GRXCR1: variants seen among roughly 807,000 people sequenced by gnomAD.
GRXCR1 encodes glutaredoxin and cysteine rich domain containing 1.
In GRXCR1, 27 loss-of-function variants were observed where a neutral mutation model predicts 27.3. That is an observed-to-expected ratio of 0.99 (90% CI 0.73 to 1.37). The LOEUF is 1.37. Ranked by LOEUF, GRXCR1 falls within the 40% of genes most tolerant of loss-of-function variation. The pLI is 0.00. For missense variants in GRXCR1, 379 were observed against 354.4 expected (o/e 1.07, Z -0.56); for synonymous variants, 122 against 131.1 (o/e 0.93, Z 0.47).
At chr4:42,991,675 A>T (rs1269926010) in intron 2 of GRXCR1, among the ~76,000 whole-genome samples, 1 of 152,014 alleles carries the variant, frequency 6.6e-6, no homozygotes, top group Admixed American at 6.5e-5. Context: ...GTGTTAGAAG[A>T]CTTTCTCTGT....
chr4:42,929,293 A>G (rs1337912914), intron 1 of GRXCR1, among the ~76,000 whole-genome samples: 1 of 152,044 alleles, frequency 6.6e-6, no homozygotes, highest in Non-Finnish European at 1.5e-5. Flanking sequence ...CCCAGCAGGC[A>G]AATGTCCCCA....
intron 1 of GRXCR1, among the ~76,000 whole-genome samples, chr4:42,957,983 C>T (rs1041290764): frequency 2.0e-5 from 3 of 151,914 alleles, no homozygotes; most frequent in African/African-American, 7.2e-5. Flanking sequence ...TTATAGATGT[C>T]TGTCAATATG....
At chr4:42,945,690 T>C (rs17595126) in intron 1 of GRXCR1, among the ~76,000 whole-genome samples, 15 of 152,032 alleles carry the variant, frequency 9.9e-5, no homozygotes, top group Non-Finnish European at 1.9e-4. Flanking sequence ...GGAGGGTAGA[T>C]GATGTGAAGG....
Position 42,980,491 on chromosome 4 carries a change from A to G in GRXCR1, c.627+17357A>G, listed in dbSNP as rs575025624. Reference sequence around the variant, plus strand: ...TTGGTTTCTAATTTTATATCATTGTAGTCAAGAAAGATACTTGATATGATT... The same window carrying G: ...TTGGTTTCTAATTTTATATCATTGTGGTCAAGAAAGATACTTGATATGATT... On this transcript the variant is annotated intron_variant, in intron 2 of 3. Coordinates refer to ENST00000399770, the MANE Select transcript of GRXCR1 (RefSeq NM_001080476.3). 1.5e-3 allele frequency among the ~76,000 whole-genome samples: 226 copies of G among 152,088 alleles called. 1 individual carries two copies. Among genetic ancestry groups the G allele is most frequent in the African/African-American group, 5.2e-3 (217 of 41,540 alleles).
chr4:42,987,255 A>ATAT (rs1711792378), intron 2 of GRXCR1, among the ~76,000 whole-genome samples: 1 of 67,988 alleles, frequency 1.5e-5, no homozygotes, highest in South Asian at 4.4e-4. Context: ...TATAATATAT[A>ATAT]TATATAATAT....
intron 2 of GRXCR1, among the ~76,000 whole-genome samples, chr4:42,983,713 T>A (rs1190888069): frequency 1.3e-5 from 2 of 152,176 alleles, no homozygotes; most frequent in African/African-American, 4.8e-5. Context: ...CTCAAATATT[T>A]CCTATTTTAA....
intron 2 of GRXCR1, among the ~76,000 whole-genome samples, chr4:42,993,141 G>A (rs1390516328): frequency 6.6e-6 from 1 of 151,848 alleles, no homozygotes; most frequent in Non-Finnish European, 1.5e-5. Flanking sequence ...TTCCATCCAA[G>A]TAAACTGTAT....
intron 1 of GRXCR1, among the ~76,000 whole-genome samples, chr4:42,959,530 G>A (rs1748082690): frequency 1.3e-5 from 2 of 151,894 alleles, no homozygotes; most frequent in African/African-American, 2.4e-5. Context: ...TTTGCTAAAA[G>A]AATAGGTTTT....
At position 43,027,613 on chromosome 4, in the gene GRXCR1, T is replaced by C. The variant is rs576942261; in HGVS notation, c.694-2748T>C. The stretch of plus-strand genomic sequence containing the variant: ...TAGACAAGGAGCTCAGAAAGCTGCA[T>C]AGCACTAACATTTCATTCCAGCTTT... On this transcript the variant is annotated intron_variant, in intron 3 of 3. Transcript: ENST00000399770. Among the ~76,000 whole-genome samples the C allele has an allele frequency of 2.0e-4, 30 of 152,338 alleles. 3 individuals are homozygous for C. The highest frequency in any genetic ancestry group is 1.7e-3 in the South Asian group (8 of 4,828).
In GRXCR1 at chr4:42,981,271, C is replaced by G. The variant is rs149494547; in HGVS notation, c.627+18137C>G. ...TATAAAAAACATCTTATTTTTATAA[C>G]AAGTTATTTTAAACTGAAAACAATT... On this transcript the variant is annotated intron_variant, in intron 2 of 3. Transcript: ENST00000399770. Among the ~76,000 whole-genome samples, 279 of 151,498 alleles carry G rather than the reference C, an allele frequency of 1.8e-3. 1 individual carries two copies. The highest frequency in any genetic ancestry group is 6.6e-3 in the African/African-American group (274 of 41,298).
chr4:42,896,259 G>T (rs1746344533), intron 1 of GRXCR1, among the ~76,000 whole-genome samples: 1 of 152,028 alleles, frequency 6.6e-6, no homozygotes, highest in Admixed American at 6.6e-5. Context: ...TGCAATTTTT[G>T]CCTTAAAATA....
chr4:42,940,558 A>G (rs1481279235), intron 1 of GRXCR1, among the ~76,000 whole-genome samples: 1 of 152,088 alleles, frequency 6.6e-6, no homozygotes, highest in African/African-American at 2.4e-5. Context: ...GGCATTTTGG[A>G]AGAAAATAAA....
intron 2 of GRXCR1, among the ~76,000 whole-genome samples, chr4:43,000,799 G>A (rs1219588305): frequency 6.6e-6 from 1 of 152,034 alleles, no homozygotes; most frequent in African/African-American, 2.4e-5. Flanking sequence ...AGCCTACTCT[G>A]ATTGTGTCAT....
chr4:42,972,519 T>G (rs1748413876), intron 2 of GRXCR1, among the ~76,000 whole-genome samples: 1 of 152,164 alleles, frequency 6.6e-6, no homozygotes, highest in Non-Finnish European at 1.5e-5. Context: ...TGCTCCTCTG[T>G]CCCTTTTTCC....
chr4:43,013,352 C>T (rs1418281140), intron 2 of GRXCR1, among the ~76,000 whole-genome samples: 1 of 152,084 alleles, frequency 6.6e-6, no homozygotes, highest in Non-Finnish European at 1.5e-5. Flanking sequence ...CTGCTGAGGG[C>T]CATTATCATA....
intron 1 of GRXCR1, among the ~76,000 whole-genome samples, chr4:42,937,703 C>T (rs1200743339): frequency 6.6e-6 from 1 of 151,844 alleles, no homozygotes; most frequent in East Asian, 1.9e-4. Flanking sequence ...AACTTGGCTC[C>T]CATCACCCAT....
In GRXCR1 at chr4:42,987,229, T is replaced by TTATATATATATATATTATA. The variant is rs1349228105; in HGVS notation, c.627+24107_627+24108insTATTATATATATATATATA. Among the ~76,000 whole-genome samples the TTATATATATATATATTATA allele has an allele frequency of 1.3e-3, 123 of 92,202 alleles. 1 individual carries two copies. The highest frequency in any genetic ancestry group is 4.7e-3 in the African/African-American group (112 of 23,790). 60.5% of individuals were successfully genotyped at this position (92,202 alleles called of 152,430 possible). ...ATATATATTATATATATATTATATA[T>TTATATATATATATATTATA]TATATATATATAATATATAATATAT... is the stretch of plus-strand genomic sequence containing the variant. On this transcript the variant is annotated intron_variant, in intron 2 of 3. Coordinates refer to ENST00000399770, the MANE Select transcript of GRXCR1 (RefSeq NM_001080476.3).
In GRXCR1 at chr4:42,963,065, C is replaced by A. The variant is rs367885687; in HGVS notation, c.558C>A (p.Asp186Glu). ...ATGGTGAATATGGAAAAGAGTTAGA[C>A]GAACGATGCCGACGAGTTTCTGAAG... Reference protein sequence around the residue: ...ALNGEYGKELDERCRRVSEAP... With the variant: ...ALNGEYGKELEERCRRVSEAP... Residue 186 changes from aspartate to glutamate, a missense_variant, in exon 2 of 4, where the codon GAC (aspartate) becomes GAA (glutamate). Asp to Glu is a conservative substitution (Grantham distance 45). Transcript: ENST00000399770. The A allele has an allele frequency of 6.2e-7, 1 of 1,612,504 alleles. No homozygotes were observed.
intron 2 of GRXCR1, among the ~76,000 whole-genome samples, chr4:42,984,456 C>G (rs949356254): frequency 6.6e-6 from 1 of 152,162 alleles, no homozygotes; most frequent in African/African-American, 2.4e-5. Flanking sequence ...TCTGACTGTT[C>G]TTGATCCTTG....
Sources: allele counts gnomAD v4.1 joint callset (sites outside exome capture counted in the v4.1 genomes callset), GRCh38; gene constraint gnomAD v4.1.1; transcripts MANE v1.5; gene names NCBI Gene and HGNC (gene_info 2026-07-23, HGNC 2026-07-21).